The following RMP64 variants were observed in gnomAD, a reference collection of about 807,000 sequenced individuals.
The protein encoded by RMP64 is ribonuclease MRP subunit p64, also known as nucleolus and neural progenitor protein.
the RMP64 span, chr3:113,011,588 T>A: frequency 2.2e-6 from 1 of 450,650 alleles, no homozygotes; most frequent in Non-Finnish European, 4.0e-6. Flanking sequence ...AAAATCCAAG[T>A]ATAAAATGTT....
chr3:113,005,511 A>T, the RMP64 span: 2 of 1,436,116 alleles, frequency 1.4e-6, no homozygotes, highest in Non-Finnish European at 2.0e-6. Context: ...TTAATCACTT[A>T]AAAGTCTCAC....
the RMP64 span, chr3:113,008,082 A>T: frequency 8.2e-7 from 1 of 1,224,686 alleles, no homozygotes; most frequent in Non-Finnish European, 1.2e-6. Context: ...GCTGCTGGAC[A>T]TCACATTTTA....
the RMP64 span, chr3:113,013,110 C>A: frequency 1.4e-6 from 1 of 716,574 alleles, no homozygotes; most frequent in South Asian, 1.8e-5. Flanking sequence ...GCAATGGCTG[C>A]ATCAGGCAAT....
the RMP64 span, chr3:113,019,433 C>T: frequency 3.3e-5 from 29 of 867,046 alleles, no homozygotes; most frequent in African/African-American, 3.0e-4. Context: ...CCCTTCCCAG[C>T]GTCCCCCGGG....
chr3:113,011,565 C>G, the RMP64 span: 2 of 509,642 alleles, frequency 3.9e-6, no homozygotes, highest in Non-Finnish European at 6.9e-6. Context: ...CCAGATTAGT[C>G]CAACCCAACA....
chr3:113,008,107 G>A, the RMP64 span: 1 of 1,467,736 alleles, frequency 6.8e-7, no homozygotes, highest in Non-Finnish European at 9.4e-7. Context: ...AAAGTGACCT[G>A]AATACTTTTA....
At chr3:113,016,356 A>C in the RMP64 span, among the ~76,000 whole-genome samples, 1 of 152,232 alleles carries the variant, frequency 6.6e-6, no homozygotes, top group Admixed American at 6.5e-5. Context: ...GGTCTAAGAA[A>C]GGAAAATGGC....
the RMP64 span, chr3:113,019,600 T>G: frequency 6.2e-7 from 1 of 1,613,850 alleles, no homozygotes; most frequent in Non-Finnish European, 8.5e-7. Context: ...CCTTAGGGAT[T>G]CTCACACGGT....
the RMP64 span, chr3:113,017,645 A>G: frequency 1.1e-5 from 17 of 1,548,262 alleles, 1 homozygote; most frequent in South Asian, 1.9e-4. Context: ...GTATTTCTAC[A>G]GTAAGTATAT....
the RMP64 span, among the ~76,000 whole-genome samples, chr3:113,012,126 G>A: frequency 6.6e-6 from 1 of 152,168 alleles, no homozygotes. Context: ...TATGTACTGA[G>A]AGACATGAAA....
chr3:113,019,551 C>G, the RMP64 span: 8 of 1,613,082 alleles, frequency 5.0e-6, no homozygotes, highest in Non-Finnish European at 6.8e-6. Flanking sequence ...CCAAGGGCCG[C>G]GCCGGGGTTC....
At chr3:113,014,041 AG>A in the RMP64 span, 1 of 1,591,216 alleles carries the variant, frequency 6.3e-7, no homozygotes, top group African/African-American at 1.3e-5. Context: ...ACCTGAAAGA[AG>A]AAGAGCAGTT....
At chr3:113,019,547 G>A in the RMP64 span, 2 of 1,612,382 alleles carry the variant, frequency 1.2e-6, no homozygotes, top group African/African-American at 1.3e-5. Context: ...CTCACCAAGG[G>A]CCGCGCCGGG....
chr3:113,019,191 A>G, the RMP64 span: 27 of 299,906 alleles, frequency 9.0e-5, no homozygotes, highest in Middle Eastern at 3.0e-3. Context: ...GGAAGGGTAA[A>G]CAAGACTCCG....
chr3:113,017,388 G>A, the RMP64 span: 1 of 1,362,594 alleles, frequency 7.3e-7, no homozygotes, highest in Non-Finnish European at 1.0e-6. Context: ...TATAGTAAGT[G>A]GCAGTGTGAT....
chr3:113,013,983 A>G, the RMP64 span: 1 of 1,613,768 alleles, frequency 6.2e-7, no homozygotes, highest in Non-Finnish European at 8.5e-7. Context: ...CAGGTCTTGA[A>G]TTGAGCCCTC....
At chr3:113,011,686 T>C in the RMP64 span, 8 of 266,444 alleles carry the variant, frequency 3.0e-5, no homozygotes, top group Non-Finnish European at 5.6e-5. Flanking sequence ...AGGATGCATA[T>C]CAAAGTTTTA....
the RMP64 span, chr3:113,002,840 T>C: frequency 6.6e-6 from 1 of 152,656 alleles, no homozygotes; most frequent in Non-Finnish European, 1.5e-5. Flanking sequence ...CTCTTCCAGG[T>C]TGTACATACC....
At chr3:113,006,143 C>T in the RMP64 span, 10 of 639,156 alleles carry the variant, frequency 1.6e-5, no homozygotes, top group Non-Finnish European at 2.4e-5. Flanking sequence ...AGAACCACAT[C>T]GAAAAATTTC....
Sources: gnomAD v4.1 joint callset for allele counts (sites outside exome capture counted in the v4.1 genomes callset) on GRCh38, gnomAD v4.1.1 for gene constraint, MANE v1.5 for transcripts, NCBI Gene and HGNC (gene_info 2026-07-23, HGNC 2026-07-21) for gene names.